The following ITPR1 variants were observed in gnomAD, a reference collection of about 807,000 sequenced individuals.
ITPR1 encodes inositol 1,4,5-trisphosphate receptor type 1.
Under a neutral mutation model 318.4 loss-of-function variants are expected in ITPR1, and 96 were observed. The observed-to-expected ratio is 0.30, with a 90% CI of 0.26 to 0.36. The LOEUF (loss-of-function observed/expected upper bound fraction) is 0.36, where lower values mean the gene tolerates loss of function less well. Among genes scored for constraint, ITPR1 ranks in the 10% least tolerant of loss-of-function variants. ITPR1 has a pLI of 1.00. For missense variants in ITPR1, 2,440 were observed against 3,460.2 expected (o/e 0.71, Z 7.40); for synonymous variants, 1,312 against 1,289.9 (o/e 1.02, Z -0.37).
At chr3:4,733,031 G>T (rs978899665) in intron 42 of ITPR1, 57 bp from the exon 43 acceptor site, 3 of 1,560,120 alleles carry the variant, frequency 1.9e-6, no homozygotes, top group Non-Finnish European at 1.7e-6. Flanking sequence ...TTGAATATTC[G>T]TCCCTCGGTG....
chr3:4,607,115 A>C lies in ITPR1; in HGVS notation c.164-20648A>C, dbSNP rs140959972. On this transcript the variant is annotated intron_variant, in intron 4 of 61. Transcript: ENST00000649015. The stretch of plus-strand genomic sequence containing the variant: ...TGAGCTGTTACAGATGTGTCCCGTC[A>C]GCACTTGGGAATCACCCTGATTGCT... Among the ~76,000 whole-genome samples the C allele has an allele frequency of 2.8e-3, 427 of 152,308 alleles. 1 individual carries two copies. Among genetic ancestry groups the C allele is most frequent in the Non-Finnish European group, 4.9e-3 (334 of 68,034 alleles).
intron 10 of ITPR1, among the ~76,000 whole-genome samples, chr3:4,649,394 C>T (rs1236581963): frequency 6.6e-6 from 1 of 152,128 alleles, no homozygotes; most frequent in East Asian, 1.9e-4. Flanking sequence ...AGAGGGAAGA[C>T]AACACCATGT....
chr3:4,669,676 C>T lies in ITPR1; in HGVS notation c.1909C>T (p.Leu637Phe). Reference sequence around the variant, plus strand: ...TAGATTCTTAGATTACCTCTCCGACCTCTGTGTCTCCATGAACAAATCAAT... The same window carrying T: ...TAGATTCTTAGATTACCTCTCCGACTTCTGTGTCTCCATGAACAAATCAAT... Reference protein sequence around the residue: ...EPRFLDYLSDLCVSMNKSIPV... With the variant: ...EPRFLDYLSDFCVSMNKSIPV... The change falls in exon 19 of 62, where the codon CTC becomes TTC. Residue 637 changes from leucine to phenylalanine, a missense_variant. Coordinates refer to ENST00000649015, the MANE Select transcript of ITPR1 (RefSeq NM_001378452.1). The T allele has an allele frequency of 1.2e-6, 2 of 1,612,880 alleles. No individual in the cohort carries two copies. The highest frequency in any genetic ancestry group is 1.1e-5 in the South Asian group (1 of 91,004).
At chr3:4,774,594 T>C (rs1446322989) in intron 46 of ITPR1, among the ~76,000 whole-genome samples, 2 of 152,238 alleles carry the variant, frequency 1.3e-5, no homozygotes, top group African/African-American at 4.8e-5. Flanking sequence ...TTAAATTTTG[T>C]TGAGGAAGTG....
intron 4 of ITPR1, among the ~76,000 whole-genome samples, chr3:4,540,551 T>C (rs1266881322): frequency 1.3e-5 from 2 of 152,158 alleles, no homozygotes; most frequent in Non-Finnish European, 2.9e-5. Context: ...CTCCTTTAAG[T>C]TTCATCGAAG....
At chr3:4,743,269 G>T (rs1464364964) in intron 44 of ITPR1, among the ~76,000 whole-genome samples, 1 of 152,188 alleles carries the variant, frequency 6.6e-6, no homozygotes, top group Non-Finnish European at 1.5e-5. Flanking sequence ...TATTGAACAG[G>T]AGTCCTTGAG....
intron 60 of ITPR1, among the ~76,000 whole-genome samples, chr3:4,829,115 C>G (rs1268479649): frequency 6.6e-6 from 1 of 152,120 alleles, no homozygotes; most frequent in African/African-American, 2.4e-5. Flanking sequence ...GCCATCTGAT[C>G]CTTACAGTAA....
intron 4 of ITPR1, among the ~76,000 whole-genome samples, chr3:4,612,795 G>C (rs2092213924): frequency 6.6e-6 from 1 of 152,166 alleles, no homozygotes; most frequent in African/African-American, 2.4e-5. Flanking sequence ...GCTGAGACAG[G>C]AGAATTGCTT....
At chr3:4,554,231 C>T (rs554422748) in intron 4 of ITPR1, among the ~76,000 whole-genome samples, 15 of 152,272 alleles carry the variant, frequency 9.9e-5, no homozygotes, top group Admixed American at 3.3e-4. Flanking sequence ...GAATTCTGTT[C>T]TCTTTGATAG....
Position 4,710,035 on chromosome 3 carries a change from T to G in ITPR1, c.4843-290T>G, listed in dbSNP as rs1456041579. Reference sequence around the variant, plus strand: ...TTTCCATGTTGTTAAATTGATTTTTTGCGTCATATTTTAAGCTACATGCAG... The same window carrying G: ...TTTCCATGTTGTTAAATTGATTTTTGGCGTCATATTTTAAGCTACATGCAG... On this transcript the variant is annotated intron_variant, in intron 37 of 61. Coordinates refer to ENST00000649015, the MANE Select transcript of ITPR1 (RefSeq NM_001378452.1). This position sits in a 1 kb window ranked among gnomAD's most constrained non-coding sequence, Gnocchi z 4.2. 6.6e-6 allele frequency among the ~76,000 whole-genome samples: 1 copy of G among 152,366 alleles called. No homozygotes were observed. Among genetic ancestry groups the G allele is most frequent in the East Asian group, 1.9e-4 (1 of 5,190 alleles).
chr3:4,726,277 G>A (rs903032026), intron 41 of ITPR1, among the ~76,000 whole-genome samples: 10 of 150,978 alleles, frequency 6.6e-5, no homozygotes, highest in Non-Finnish European at 1.5e-4. Flanking sequence ...TGATCCACCC[G>A]CCTCAGCCTC....
At chr3:4,702,156 A>G (rs189548452) in intron 35 of ITPR1, among the ~76,000 whole-genome samples, 21 of 148,844 alleles carry the variant, frequency 1.4e-4, no homozygotes, top group African/African-American at 5.1e-4. Context: ...GATTCAGTGG[A>G]TGTTTGAGTA....
intron 5 of ITPR1, among the ~76,000 whole-genome samples, chr3:4,633,339 A>G (rs1204151636): frequency 1.3e-5 from 2 of 152,056 alleles, no homozygotes; most frequent in African/African-American, 4.8e-5. Flanking sequence ...TACATATTTC[A>G]TTCAATTTAC....
chr3:4,534,682 T>C (rs1398681794), intron 4 of ITPR1, among the ~76,000 whole-genome samples: 1 of 152,206 alleles, frequency 6.6e-6, no homozygotes, highest in Non-Finnish European at 1.5e-5. Flanking sequence ...AGTTCCAATT[T>C]GGGTGCTTCT....
chr3:4,807,179 G>A (rs2048630246), intron 55 of ITPR1, among the ~76,000 whole-genome samples: 1 of 73,204 alleles, frequency 1.4e-5, no homozygotes, highest in Non-Finnish European at 2.7e-5. Flanking sequence ...ACAAAGAGAG[G>A]GGGGCTTACA....
At chr3:4,535,683 G>A (rs899980838) in intron 4 of ITPR1, among the ~76,000 whole-genome samples, 2 of 151,890 alleles carry the variant, frequency 1.3e-5, no homozygotes, top group Non-Finnish European at 2.9e-5. Flanking sequence ...CTGACCTTGT[G>A]ATCCACCCGC....
chr3:4,708,422 A>G (rs1574954847), intron 37 of ITPR1, among the ~76,000 whole-genome samples: 1 of 152,094 alleles, frequency 6.6e-6, no homozygotes. Context: ...GGCTGGCGGG[A>G]TTTCTCGGGT....
chr3:4,534,506 T>G (rs1257946862), intron 4 of ITPR1, among the ~76,000 whole-genome samples: 1 of 152,184 alleles, frequency 6.6e-6, no homozygotes, highest in African/African-American at 2.4e-5. Context: ...ATACATCTTT[T>G]CAAAGAACCC....
At chr3:4,516,918 G>A (rs304008) in intron 3 of ITPR1, among the ~76,000 whole-genome samples, 139,118 of 152,258 alleles carry the variant, frequency 0.91, 63,618 homozygotes, top group East Asian at 1. Context: ...ATGAATATTT[G>A]CAGAGCCCAA....
Sources: allele counts gnomAD v4.1 joint callset (sites outside exome capture counted in the v4.1 genomes callset), GRCh38; gene constraint gnomAD v4.1.1; non-coding constraint Gnocchi (gnomAD v3.1); transcripts MANE v1.5; gene names NCBI Gene and HGNC (gene_info 2026-07-23, HGNC 2026-07-21).